The following MCM2 variants were observed in gnomAD, a reference collection of about 807,000 sequenced individuals.
MCM2 encodes minichromosome maintenance complex component 2.
In MCM2, 49 loss-of-function variants were observed where a neutral mutation model predicts 86.4. That is an observed-to-expected ratio of 0.57 (90% CI 0.45 to 0.72). The LOEUF (loss-of-function observed/expected upper bound fraction) is 0.72, where lower values mean the gene tolerates loss of function less well. MCM2 is among the 30% of genes least tolerant of loss of function. MCM2 has a pLI of 0.00. For synonymous variants in MCM2, 475 were observed against 484.6 expected (o/e 0.98, Z 0.26); for missense variants, 1,038 against 1,259.9 (o/e 0.82, Z 2.67).
chr3:127,606,025 G>C lies in MCM2; in HGVS notation c.674-93G>C. On this transcript the variant is annotated intron_variant, in intron 4 of 15. Transcript: ENST00000265056. The surrounding 1 kb of genome is among the most constrained non-coding windows in gnomAD (Gnocchi z 4.2). ...TTTCTAGGTCAAAATCAATGGTCGG[G>C]GTGGGTAGGCCTTGCTTCTCACACA... The C allele has an allele frequency of 1.1e-6, 1 of 896,614 alleles. No homozygotes were observed. The highest frequency in any genetic ancestry group is 1.8e-6 in the Non-Finnish European group (1 of 553,684). 55.5% of individuals were successfully genotyped at this position (896,614 alleles called of 1,614,324 possible).
chr3:127,608,946 G>C lies in MCM2; in HGVS notation c.1351G>C (p.Val451Leu). 6.2e-7 allele frequency: 1 copy of C among 1,614,198 alleles called. No individual in the cohort carries two copies. The highest frequency in any genetic ancestry group is 8.5e-7 in the Non-Finnish European group (1 of 1,180,042). The change falls in exon 8 of 16, where the codon GTT becomes CTT. Residue 451 changes from valine (V) to leucine (L), a missense_variant. Val to Leu is a conservative substitution (Grantham distance 32, BLOSUM62 1). Coordinates refer to ENST00000265056, the MANE Select transcript of MCM2 (RefSeq NM_004526.4). ...ANHVAKKDNK[V>L]AVGELTDEDV... The stretch of plus-strand genomic sequence containing the variant: ...CCACGTGGCCAAGAAGGACAACAAG[G>C]TTGCTGTAGGGGAACTGACCGATGA...
rs1031272484 is a variant in MCM2 at position 127,608,813 on chromosome 3, G to C, written c.1237-19G>C. On this transcript the variant is annotated intron_variant, in intron 7 of 15. Transcript: ENST00000265056. ...CCCCTGGGTTAGGCTCTGACTTCTT[G>C]GCCCCTCCCTTTCCCCAGGAGCTGA... 4.3e-6 allele frequency: 7 copies of C among 1,612,506 alleles called. No individual in the cohort carries two copies. The African/African-American group carries it at 9.3e-5, about 22-fold the overall frequency.
At chr3:127,600,925 C>T (rs1256541811) in intron 2 of MCM2, among the ~76,000 whole-genome samples, 1 of 151,682 alleles carries the variant, frequency 6.6e-6, no homozygotes, top group East Asian at 1.9e-4. Flanking sequence ...TAGAGTTTAC[C>T]CCTTGCGAAA....
In MCM2 at chr3:127,621,167, G is replaced by T. The variant is rs137990158; in HGVS notation, c.2543G>T (p.Arg848Leu). Reference protein sequence around the residue: ...QLVAEQVTYQRNRFGAQQDTI... With the variant: ...QLVAEQVTYQLNRFGAQQDTI... ...GTGGCAGAGCAGGTGACATATCAGC[G>T]CAACCGCTTTGGGGCCCAGCAGGAC... Residue 848 changes from arginine (R) to leucine (L), a missense_variant, in exon 15 of 16, where the codon CGC (arginine) becomes CTC (leucine). Arg to Leu is a moderately radical substitution (Grantham distance 102). This residue lies in a region of MCM2 where 336 missense variants were observed against 425.7 expected (regional missense o/e 0.79). Transcript: ENST00000265056. 9 of 1,614,110 alleles carry T rather than the reference G, an allele frequency of 5.6e-6. No individual in the cohort carries two copies. In the African/African-American group the frequency reaches 1.2e-4, roughly 22 times the overall value.
chr3:127,599,059 G>A (rs1576409734), intron 1 of MCM2: 2 of 557,490 alleles, frequency 3.6e-6, no homozygotes, highest in East Asian at 6.0e-5. Context: ...CATGGAGAAA[G>A]CACGGTGATG....
At chr3:127,621,589 AC>A (rs929937572) in intron 15 of MCM2, 73 bp from the exon 16 acceptor site, 8 of 934,994 alleles carry the variant, frequency 8.6e-6, no homozygotes, top group Non-Finnish European at 1.4e-5. Flanking sequence ...CTGAAAGTGC[AC>A]TGTAACTGGG....
chr3:127,614,354 A>G (rs2074419062), intron 8 of MCM2, among the ~76,000 whole-genome samples: 1 of 152,094 alleles, frequency 6.6e-6, no homozygotes, highest in African/African-American at 2.4e-5. Flanking sequence ...TGTTGTTCAC[A>G]TTTCCCTGAT....
At chr3:127,600,876 CAA>C (rs1223033763) in intron 2 of MCM2, among the ~76,000 whole-genome samples, 177 of 84,518 alleles carry the variant, frequency 2.1e-3, no homozygotes, top group African/African-American at 6.2e-3. Flanking sequence ...TGTGGTTTTT[CAA>C]AAAAAAAAAA....
chr3:127,600,763 C>T (rs2074301905), intron 2 of MCM2, among the ~76,000 whole-genome samples: 1 of 151,762 alleles, frequency 6.6e-6, no homozygotes, highest in South Asian at 2.1e-4. Flanking sequence ...CCTGTCTTGA[C>T]CCTTTCTCTT....
At chr3:127,616,506 A>C (rs2074433110) in intron 9 of MCM2, among the ~76,000 whole-genome samples, 1 of 152,212 alleles carries the variant, frequency 6.6e-6, no homozygotes, top group Non-Finnish European at 1.5e-5. Flanking sequence ...TCTCCCGCTC[A>C]GTGCCACACT....
Position 127,605,250 on chromosome 3 carries a change from A to G in MCM2, c.673+94A>G, listed in dbSNP as rs1038885359. 8.7e-5 allele frequency: 130 copies of G among 1,496,896 alleles called. 1 individual carries two copies. The highest frequency in any genetic ancestry group is 1.1e-4 in the Non-Finnish European group (123 of 1,096,578). The allele number at this position is 1,496,896 out of a possible 1,614,324, so 92.7% of individuals were successfully genotyped here. On this transcript the variant is annotated intron_variant, in intron 4 of 15. Coordinates refer to ENST00000265056, the MANE Select transcript of MCM2 (RefSeq NM_004526.4). ...TGAGCCGAGTGAACACGTGAAGCACAGGGCATATGGCTGAGAGGTCTGTCA... is the reference window on the plus strand; with the variant it reads ...TGAGCCGAGTGAACACGTGAAGCACGGGGCATATGGCTGAGAGGTCTGTCA...
Position 127,615,950 on chromosome 3 carries a change from A to T in MCM2, c.1517A>T (p.Asn506Ile). Reference sequence around the variant, plus strand: ...GCCCTGTTCGGAGGGGAGCCCAAAAACCCAGGTGAGCACCCACCTTTCCTC... The same window carrying T: ...GCCCTGTTCGGAGGGGAGCCCAAAATCCCAGGTGAGCACCCACCTTTCCTC... ...ALALFGGEPK[N>I]PGGKHKVRGD... Residue 506 changes from asparagine (N) to isoleucine (I), a missense_variant, in exon 9 of 16, where the codon AAC (asparagine) becomes ATC (isoleucine). By Grantham distance (149) the Asn-to-Ile change is moderately radical (BLOSUM62 -3). This residue lies in a region of MCM2 where 399 missense variants were observed against 507.2 expected (regional missense o/e 0.79). Transcript: ENST00000265056. 1 of 1,613,798 alleles carries T rather than the reference A, an allele frequency of 6.2e-7. No homozygotes were observed. The highest frequency in any genetic ancestry group is 1.1e-5 in the South Asian group (1 of 91,058).
Position 127,606,413 on chromosome 3 carries a change from T to C in MCM2, c.893+76T>C, listed in dbSNP as rs1004743231. ...CTCGGTCGTGATTCCTGAAGAGCGATTGTGGTGTGGGCGGGGAGGGTGCAG... is the reference window on the plus strand; with the variant it reads ...CTCGGTCGTGATTCCTGAAGAGCGACTGTGGTGTGGGCGGGGAGGGTGCAG... On this transcript the variant is annotated intron_variant, in intron 5 of 15. Coordinates refer to ENST00000265056, the MANE Select transcript of MCM2 (RefSeq NM_004526.4). This position sits in a 1 kb window ranked among gnomAD's most constrained non-coding sequence, Gnocchi z 4.2. 5.6e-5 allele frequency: 82 copies of C among 1,467,302 alleles called. No homozygotes were observed. The highest frequency in any genetic ancestry group is 2.3e-4 in the Middle Eastern group (1 of 4,380). 90.9% of individuals were successfully genotyped at this position (1,467,302 alleles called of 1,614,324 possible).
chr3:127,599,394 C>A lies in MCM2; in HGVS notation c.83C>A (p.Pro28His). Residue 28 changes from proline to histidine, a missense_variant, in exon 2 of 16, where the codon CCT becomes CAT. Pro to His is a moderately conservative substitution (Grantham distance 77). Transcript: ENST00000265056. ...RRGNDPLTSS[P>H]GRSSRRTDAL... is the part of the protein sequence containing the mutation. ...GGCAATGATCCTCTCACCTCCAGCC[C>A]TGGCCGAAGCTCCCGGCGTACTGAT... The A allele has an allele frequency of 6.2e-7, 1 of 1,614,196 alleles. No individual in the cohort carries two copies. The highest frequency in any genetic ancestry group is 8.5e-7 in the Non-Finnish European group (1 of 1,180,030).
intron 2 of MCM2, among the ~76,000 whole-genome samples, chr3:127,600,046 G>A (rs538235945): frequency 9.2e-5 from 14 of 152,342 alleles, no homozygotes; most frequent in African/African-American, 2.9e-4. Context: ...TTGGGAGGCC[G>A]AGGTGGGCGG....
In MCM2 at chr3:127,608,862, G is replaced by C. The variant is rs762387649; in HGVS notation, c.1267G>C (p.Asp423His). 4 of 1,614,164 alleles carry C rather than the reference G, an allele frequency of 2.5e-6. No homozygotes were observed. The South Asian group carries it at 3.3e-5, about 13-fold the overall frequency. ...GACTGGCATCTATCACAACAACTAT[G>C]ATGGCTCCCTCAACACTGCCAATGG... The part of the protein sequence containing the change: ...ELTGIYHNNY[D>H]GSLNTANGFP... Residue 423 changes from aspartate to histidine, a missense_variant, in exon 8 of 16, where the codon GAT becomes CAT. Physicochemically the swap from Asp to His is moderately conservative, Grantham distance 81. Coordinates refer to ENST00000265056, the MANE Select transcript of MCM2 (RefSeq NM_004526.4).
At position 127,599,399 on chromosome 3, in the gene MCM2, C is replaced by G. The variant is rs1181496683; in HGVS notation, c.88C>G (p.Arg30Gly). The G allele has an allele frequency of 1.2e-6, 2 of 1,614,158 alleles. No homozygotes were observed. Among genetic ancestry groups the G allele is most frequent in the Non-Finnish European group, 8.5e-7 (1 of 1,180,028 alleles). The change falls in exon 2 of 16, where the codon CGA becomes GGA. Residue 30 changes from arginine to glycine, a missense_variant. Physicochemically the swap from Arg to Gly is moderately radical, Grantham distance 125. Coordinates refer to ENST00000265056, the MANE Select transcript of MCM2 (RefSeq NM_004526.4). ...TGATCCTCTCACCTCCAGCCCTGGCCGAAGCTCCCGGCGTACTGATGCCCT... is the reference window on the plus strand; with the variant it reads ...TGATCCTCTCACCTCCAGCCCTGGCGGAAGCTCCCGGCGTACTGATGCCCT... ...GNDPLTSSPG[R>G]SSRRTDALTS...
At chr3:127,602,088 G>T (rs1450178544) in intron 2 of MCM2, among the ~76,000 whole-genome samples, 1 of 151,434 alleles carries the variant, frequency 6.6e-6, no homozygotes, top group Non-Finnish European at 1.5e-5. Flanking sequence ...CCTCAATCTG[G>T]CTTATCTTTT....
Position 127,621,109 on chromosome 3 carries a change from A to G in MCM2, c.2485A>G (p.Asn829Asp), listed in dbSNP as rs764169595. The change falls in exon 15 of 16, where the codon AAT becomes GAT. Residue 829 changes from asparagine to aspartate, a missense_variant. Asn to Asp is a conservative substitution (Grantham distance 23). This residue lies in a region of MCM2 where 336 missense variants were observed against 425.7 expected (regional missense o/e 0.79). Coordinates refer to ENST00000265056, the MANE Select transcript of MCM2 (RefSeq NM_004526.4). ...ARYLSFRRDN[N>D]ELLLFILKQL... Reference sequence around the variant, plus strand: ...CTACCTTTCATTCCGGCGTGACAACAATGAGCTGTTGCTCTTCATACTGAA... The same window carrying G: ...CTACCTTTCATTCCGGCGTGACAACGATGAGCTGTTGCTCTTCATACTGAA... 3.5e-5 allele frequency: 57 copies of G among 1,614,072 alleles called. No homozygotes were observed. Among genetic ancestry groups the G allele is most frequent in the Non-Finnish European group, 4.7e-5 (55 of 1,180,030 alleles).
Sources: allele counts gnomAD v4.1 joint callset (sites outside exome capture counted in the v4.1 genomes callset), GRCh38; gene constraint gnomAD v4.1.1; regional missense constraint gnomAD v4.1.1; non-coding constraint Gnocchi (gnomAD v3.1); transcripts MANE v1.5; gene names NCBI Gene and HGNC (gene_info 2026-07-23, HGNC 2026-07-21).